Variants in MYO16 observed in about 807,000 individuals in gnomAD.
The protein encoded by MYO16 is myosin XVI, also known as unconventional myosin-XVI.
MYO16 carries 94 observed loss-of-function variants against 205.3 expected under a neutral mutation model. That is an observed-to-expected ratio of 0.46 (90% CI 0.39 to 0.54). MYO16 has a LOEUF of 0.54. Ranked by LOEUF, MYO16 falls within the 20% of genes least tolerant of loss-of-function variation. MYO16 has a pLI of 0.00. For synonymous variants in MYO16, 988 were observed against 954.0 expected, an observed-to-expected ratio of 1.04 and a Z score of -0.66; for missense variants, 2,315 against 2,387.5, an observed-to-expected ratio of 0.97 and a Z score of 0.63.
chr13:108,500,296 C>G, the MYO16 span, among the ~76,000 whole-genome samples: 4 of 134,178 alleles, frequency 3.0e-5, no homozygotes, highest in African/African-American at 1.1e-4. Flanking sequence ...GTGGCACAAT[C>G]TCATCTCACT....
At chr13:109,023,033 A>G (rs181212154) in intron 23 of MYO16, among the ~76,000 whole-genome samples, 2,259 of 134,536 alleles carry the variant, frequency 0.017, 69 homozygotes, top group African/African-American at 0.058. Flanking sequence ...ATATATTTAT[A>G]TATTAATACA....
At chr13:108,958,147 A>G (rs1269324898) in intron 17 of MYO16, among the ~76,000 whole-genome samples, 2 of 144,614 alleles carry the variant, frequency 1.4e-5, no homozygotes, top group Non-Finnish European at 3.1e-5. Flanking sequence ...TTAAATATAT[A>G]TTTATAATAT....
intron 2 of MYO16, among the ~76,000 whole-genome samples, chr13:108,697,617 AT>A (rs1209937729): frequency 1.3e-5 from 2 of 152,232 alleles, no homozygotes; most frequent in African/African-American, 4.8e-5. Flanking sequence ...AAATAAGAGT[AT>A]TTTTAAGTAT....
At chr13:108,696,345 A>G (rs1027998897) in intron 2 of MYO16, among the ~76,000 whole-genome samples, 1 of 152,190 alleles carries the variant, frequency 6.6e-6, no homozygotes, top group Non-Finnish European at 1.5e-5. Flanking sequence ...ATGTCTACCA[A>G]TGGGGAATTG....
At position 108,861,190 on chromosome 13, in the gene MYO16, G is replaced by A. The variant is rs113272006; in HGVS notation, c.1360-4987G>A. Reference sequence around the variant, plus strand: ...CTTCATAATGTAATAGAAGAGAGAAGTCCTCTCCCAATCCACACTTAGTCA... The same window carrying A: ...CTTCATAATGTAATAGAAGAGAGAAATCCTCTCCCAATCCACACTTAGTCA... On this transcript the variant is annotated intron_variant, in intron 11 of 34. Transcript: ENST00000457511. Among the ~76,000 whole-genome samples, 402 of 152,174 alleles carry A rather than the reference G, an allele frequency of 2.6e-3. 1 individual carries two copies. The highest frequency in any genetic ancestry group is 8.8e-3 in the African/African-American group (365 of 41,540).
intron 9 of MYO16, among the ~76,000 whole-genome samples, chr13:108,834,332 G>A (rs1006802703): frequency 6.6e-6 from 1 of 152,140 alleles, no homozygotes; most frequent in Non-Finnish European, 1.5e-5. Flanking sequence ...TGTGGGCTAT[G>A]TTCTTCCCTG....
chr13:108,678,015 G>A lies in MYO16; in HGVS notation c.292+11866G>A, dbSNP rs145553097. 1.8e-3 allele frequency among the ~76,000 whole-genome samples: 271 copies of A among 152,296 alleles called. 3 individuals are homozygous for A. The highest frequency in any genetic ancestry group is 6.3e-3 in the African/African-American group (263 of 41,566). On this transcript the variant is annotated intron_variant, in intron 2 of 34. Transcript: ENST00000457511. Reference sequence around the variant, plus strand: ...GCCCAGACTGCTGCTTAGTGTACAAGTGCAGCTGGAAAACAATCTGTAGAT... The same window carrying A: ...GCCCAGACTGCTGCTTAGTGTACAAATGCAGCTGGAAAACAATCTGTAGAT...
the MYO16 span, among the ~76,000 whole-genome samples, chr13:108,578,197 G>A: frequency 6.6e-6 from 1 of 152,122 alleles, no homozygotes; most frequent in African/African-American, 2.4e-5. Flanking sequence ...CAGTTGCCAG[G>A]ATTTGTGCAT....
intron 21 of MYO16, among the ~76,000 whole-genome samples, chr13:108,999,950 G>GTGCCAT (rs1477172798): frequency 6.6e-6 from 1 of 152,014 alleles, no homozygotes; most frequent in Non-Finnish European, 1.5e-5. Flanking sequence ...TAAATTTTAT[G>GTGCCAT]TGCCATTGTT....
intron 12 of MYO16, among the ~76,000 whole-genome samples, chr13:108,875,821 C>G (rs1196184059): frequency 1.3e-5 from 2 of 152,118 alleles, no homozygotes; most frequent in Non-Finnish European, 2.9e-5. Flanking sequence ...CTGCAGTGAT[C>G]TGTACTTGGG....
Position 109,127,591 on chromosome 13 carries a change from G to C in MYO16, c.4051+41G>C. 1 of 1,591,166 alleles carries C rather than the reference G, an allele frequency of 6.3e-7. No homozygotes were observed. Among genetic ancestry groups the C allele is most frequent in the Non-Finnish European group, 8.5e-7 (1 of 1,173,086 alleles). On this transcript the variant is annotated intron_variant, in intron 31 of 34. Transcript: ENST00000457511. The surrounding 1 kb of genome is among the most constrained non-coding windows in gnomAD (Gnocchi z 4.2). ...GGACCCAGCCTCGTGTTCCGGGCTC[G>C]CGCATGCTCTGACTTCGCCTTGGGG...
At chr13:108,735,264 C>G (rs1447254609) in intron 4 of MYO16, among the ~76,000 whole-genome samples, 1 of 139,580 alleles carries the variant, frequency 7.2e-6, no homozygotes, top group Non-Finnish European at 1.5e-5. Context: ...CCCCCTCCCG[C>G]CCCCACCCCA....
intron 28 of MYO16, among the ~76,000 whole-genome samples, chr13:109,106,142 G>A (rs767289206): frequency 1.5e-4 from 23 of 152,268 alleles, no homozygotes; most frequent in South Asian, 1.0e-3. Context: ...GTTTTCTGTC[G>A]CAGCAGATAT....
chr13:108,882,153 T>A (rs1356531597), intron 12 of MYO16, among the ~76,000 whole-genome samples: 1 of 152,186 alleles, frequency 6.6e-6, no homozygotes, highest in Non-Finnish European at 1.5e-5. Context: ...CAACCTTAAA[T>A]ATGTTTACTG....
At chr13:108,693,668 T>C (rs927785305) in intron 2 of MYO16, among the ~76,000 whole-genome samples, 1 of 152,220 alleles carries the variant, frequency 6.6e-6, no homozygotes. Context: ...TGGGCTGCTG[T>C]TGATAGGGCT....
chr13:109,021,356 C>A (rs1444947089), intron 23 of MYO16, among the ~76,000 whole-genome samples: 2 of 152,168 alleles, frequency 1.3e-5, no homozygotes, highest in Non-Finnish European at 2.9e-5. Context: ...CTACTGCTCC[C>A]ACCTGCACAA....
intron 4 of MYO16, among the ~76,000 whole-genome samples, chr13:108,737,767 G>C (rs1884756645): frequency 6.6e-6 from 1 of 152,106 alleles, no homozygotes; most frequent in African/African-American, 2.4e-5. Context: ...TTCTAGTCCT[G>C]GACCTTTTTT....
chr13:108,665,192 C>T (rs969095090), intron 1 of MYO16, among the ~76,000 whole-genome samples: 3 of 152,114 alleles, frequency 2.0e-5, no homozygotes, highest in African/African-American at 7.2e-5. Context: ...CTTATGCGAT[C>T]CCCCACCTCA....
At chr13:108,707,395 A>G (rs1273045330) in intron 2 of MYO16, among the ~76,000 whole-genome samples, 2 of 152,164 alleles carry the variant, frequency 1.3e-5, no homozygotes, top group Non-Finnish European at 2.9e-5. Flanking sequence ...GAATTTAATA[A>G]CCTGGTGACA....
Sources: gnomAD v4.1 joint callset for allele counts (sites outside exome capture counted in the v4.1 genomes callset) on GRCh38, gnomAD v4.1.1 for gene constraint, Gnocchi (gnomAD v3.1) non-coding constraint, MANE v1.5 for transcripts, NCBI Gene and HGNC (gene_info 2026-07-23, HGNC 2026-07-21) for gene names.